Variants in NAALADL2 observed in about 807,000 individuals in gnomAD.
NAALADL2 encodes the protein N-acetylated alpha-linked acidic dipeptidase like 2.
A neutral mutation model predicts 87.2 loss-of-function variants in NAALADL2; 76 were observed. The ratio of observed to expected loss-of-function variants is 0.87; its 90% CI spans 0.72 to 1.05. The LOEUF is 1.05. Among genes scored for constraint, NAALADL2 ranks in the 50% least tolerant of loss-of-function variants. The pLI, the probability that NAALADL2 is intolerant of heterozygous loss-of-function variation, is 0.00. For missense variants in NAALADL2, 1,089 were observed against 945.8 expected, an observed-to-expected ratio of 1.15 and a Z score of -1.99; for synonymous variants, 354 against 331.0, an observed-to-expected ratio of 1.07 and a Z score of -0.75.
At chr3:174,504,713 C>T (rs908446878) in intron 1 of NAALADL2, among the ~76,000 whole-genome samples, 4 of 152,052 alleles carry the variant, frequency 2.6e-5, no homozygotes, top group Non-Finnish European at 4.4e-5. Flanking sequence ...GGTATAGATA[C>T]ATGTCACCAG....
chr3:175,110,520 C>A (rs1724017859), intron 2 of NAALADL2, among the ~76,000 whole-genome samples: 1 of 151,612 alleles, frequency 6.6e-6, no homozygotes, highest in African/African-American at 2.4e-5. Context: ...CAACTTATGG[C>A]CAAAGAGGGA....
intron 2 of NAALADL2, among the ~76,000 whole-genome samples, chr3:174,681,979 T>C (rs896500077): frequency 6.6e-6 from 1 of 152,140 alleles, no homozygotes; most frequent in African/African-American, 2.4e-5. Context: ...TTGTACCCTG[T>C]GTGAACATAA....
chr3:174,661,547 C>CTTCTTCT (rs151292411), intron 2 of NAALADL2, among the ~76,000 whole-genome samples: 11,684 of 151,886 alleles, frequency 0.077, 1,525 homozygotes, highest in African/African-American at 0.27. Flanking sequence ...GATGCTTCTT[C>CTTCTTCT]TTCTTCTTTC....
intron 1 of NAALADL2, among the ~76,000 whole-genome samples, chr3:175,038,817 A>G (rs1373417928): frequency 6.6e-6 from 1 of 152,110 alleles, no homozygotes; most frequent in Non-Finnish European, 1.5e-5. Flanking sequence ...TATGTAGTGA[A>G]CAAATAATTT....
chr3:175,502,519 A>G (rs1729700333), intron 9 of NAALADL2, among the ~76,000 whole-genome samples: 4 of 152,080 alleles, frequency 2.6e-5, no homozygotes, highest in Admixed American at 2.6e-4. Flanking sequence ...CTTGAGCCTG[A>G]TAGCTTTAAG....
chr3:175,266,347 AT>A lies in NAALADL2; in HGVS notation c.939+9823del, dbSNP rs1458977269. 2.0e-5 allele frequency among the ~76,000 whole-genome samples: 3 copies of A among 149,152 alleles called. No homozygotes were observed. The East Asian group carries it at 5.8e-4, about 29-fold the overall frequency. On this transcript the variant is annotated intron_variant, in intron 4 of 13. Transcript: ENST00000454872. ...TGGAATAATTTTACATTTTAAATCA[AT>A]TTTTTATTAAAAAATTAGGAAAGGT...
In NAALADL2 at chr3:174,782,159, A is replaced by G. The variant is rs189828063; in HGVS notation, c.-9+44413A>G. Among the ~76,000 whole-genome samples, 164 of 152,252 alleles carry G rather than the reference A, an allele frequency of 1.1e-3. 1 individual carries two copies. Among genetic ancestry groups the G allele is most frequent in the African/African-American group, 3.7e-3 (155 of 41,558 alleles). ...CTTATTCAAGCTGTTAAAGTGCTAC[A>G]TCAAAAACAGGGTTTAAATAGTGAG... On this transcript the variant is annotated intron_variant, in intron 3 of 3. Transcript: ENST00000434257.
At chr3:174,868,432 T>C (rs1417119658) in intron 1 of NAALADL2, among the ~76,000 whole-genome samples, 1 of 152,110 alleles carries the variant, frequency 6.6e-6, no homozygotes, top group Non-Finnish European at 1.5e-5. Flanking sequence ...CTTGGAGCAG[T>C]CCATGGCACA....
At position 175,632,555 on chromosome 3, in the gene NAALADL2, G is replaced by A. The variant is rs78914554; in HGVS notation, c.1896+5169G>A. 2.0e-5 allele frequency among the ~76,000 whole-genome samples: 3 copies of A among 152,214 alleles called. No individual in the cohort carries two copies. In the East Asian group the frequency reaches 5.8e-4, roughly 29 times the overall value. On this transcript the variant is annotated intron_variant, in intron 11 of 13. Coordinates refer to ENST00000454872, the MANE Select transcript of NAALADL2 (RefSeq NM_207015.3). Reference sequence around the variant, plus strand: ...ATAATTATACGTATTTTGGAAAACAGAGACAGATTTGTGAGACAGTTTTAA... The same window carrying A: ...ATAATTATACGTATTTTGGAAAACAAAGACAGATTTGTGAGACAGTTTTAA...
chr3:174,997,203 T>C (rs916668057), intron 1 of NAALADL2, among the ~76,000 whole-genome samples: 3 of 152,054 alleles, frequency 2.0e-5, no homozygotes, highest in African/African-American at 4.8e-5. Context: ...TATCCAGTAG[T>C]GGGATTGCTG....
chr3:174,979,304 C>CTTTT (rs5854604), intron 1 of NAALADL2, among the ~76,000 whole-genome samples: 3,324 of 105,108 alleles, frequency 0.032, 388 homozygotes, highest in African/African-American at 0.13. Context: ...TCTTTCTTTT[C>CTTTT]TTTTTTTTTT....
intron 4 of NAALADL2, among the ~76,000 whole-genome samples, chr3:175,271,812 A>ATTAAT (rs1752885546): frequency 2.0e-5 from 3 of 152,146 alleles, no homozygotes; most frequent in Non-Finnish European, 4.4e-5. Context: ...ATTAAATTAA[A>ATTAAT]TTAAAAAGCC....
chr3:175,259,986 C>T (rs1750734612), intron 4 of NAALADL2, among the ~76,000 whole-genome samples: 1 of 151,910 alleles, frequency 6.6e-6, no homozygotes, highest in South Asian at 2.1e-4. Flanking sequence ...CAGGATTTCA[C>T]CACTGCACTC....
intron 9 of NAALADL2, among the ~76,000 whole-genome samples, chr3:175,563,066 G>A (rs62288391): frequency 0.13 from 19,672 of 151,714 alleles, 1,382 homozygotes; most frequent in Middle Eastern, 0.17. Flanking sequence ...TTTATATTTT[G>A]TATAACTTGG....
intron 11 of NAALADL2, among the ~76,000 whole-genome samples, chr3:175,688,480 G>A (rs1736613250): frequency 6.6e-6 from 1 of 152,146 alleles, no homozygotes; most frequent in Non-Finnish European, 1.5e-5. Context: ...GAAAGATTTA[G>A]CCTGTAATCA....
At chr3:174,904,818 A>G (rs953004014) in intron 1 of NAALADL2, among the ~76,000 whole-genome samples, 47 of 151,794 alleles carry the variant, frequency 3.1e-4, no homozygotes, top group African/African-American at 1.1e-3. Flanking sequence ...ACCAATTTTG[A>G]TGCTCGGTAT....
chr3:175,284,817 G>A (rs1297364425), intron 4 of NAALADL2, among the ~76,000 whole-genome samples: 1 of 152,042 alleles, frequency 6.6e-6, no homozygotes, highest in Non-Finnish European at 1.5e-5. Flanking sequence ...CCTACATGTG[G>A]TCTCTGGTCT....
chr3:174,445,839 G>T (rs1391880454), intron 1 of NAALADL2, among the ~76,000 whole-genome samples: 1 of 152,008 alleles, frequency 6.6e-6, no homozygotes, highest in African/African-American at 2.4e-5. Context: ...AGTGAGTCTT[G>T]ATGAAGTCCT....
Position 174,679,235 on chromosome 3 carries a change from T to C in NAALADL2, c.-114-58406T>C, listed in dbSNP as rs187623665. Among the ~76,000 whole-genome samples, 6 of 152,290 alleles carry C rather than the reference T, an allele frequency of 3.9e-5. No individual in the cohort carries two copies. In the East Asian group the frequency reaches 1.2e-3, roughly 29 times the overall value. Reference sequence around the variant, plus strand: ...ATTCTGCATATTCCATGTCCTTGTCTCTCTGTGCACTACACTGTGGATATT... The same window carrying C: ...ATTCTGCATATTCCATGTCCTTGTCCCTCTGTGCACTACACTGTGGATATT... On this transcript the variant is annotated intron_variant, in intron 2 of 3. Coordinates refer to the NAALADL2 transcript ENST00000434257.
Sources: gnomAD v4.1 joint callset for allele counts (sites outside exome capture counted in the v4.1 genomes callset) on GRCh38, gnomAD v4.1.1 for gene constraint, MANE v1.5 for transcripts, NCBI Gene and HGNC (gene_info 2026-07-23, HGNC 2026-07-21) for gene names.